Variants in PPP1R12A observed in about 807,000 individuals in gnomAD.
The protein encoded by PPP1R12A is protein phosphatase 1 regulatory subunit 12A, also known as myosin binding subunit.
PPP1R12A carries 19 observed loss-of-function variants against 139.6 expected under a neutral mutation model. The ratio of observed to expected loss-of-function variants is 0.14; its 90% CI spans 0.09 to 0.20. The LOEUF is 0.20. PPP1R12A is among the 10% of genes least tolerant of loss of function. PPP1R12A has a pLI of 1.00. For missense variants in PPP1R12A, 925 were observed against 1,211.5 expected (o/e 0.76, Z 3.51); for synonymous variants, 427 against 420.6 (o/e 1.02, Z -0.19).
chr12:79,826,681 T>C (rs994413050), intron 5 of PPP1R12A, among the ~76,000 whole-genome samples: 4 of 152,218 alleles, frequency 2.6e-5, no homozygotes, highest in Non-Finnish European at 5.9e-5. Context: ...ATAAATTGTA[T>C]AGCATAGGAA....
At chr12:79,808,368 C>G in intron 11 of PPP1R12A, 115 bp downstream of exon 11, 2 of 700,820 alleles carry the variant, frequency 2.9e-6, no homozygotes, top group Non-Finnish European at 4.7e-6. Context: ...GGAATATCCT[C>G]CATCTCTTCC....
Position 79,796,884 on chromosome 12 carries a change from T to C in PPP1R12A, c.2359A>G (p.Met787Val). 1.2e-6 allele frequency: 2 copies of C among 1,612,040 alleles called. No homozygotes were observed. The highest frequency in any genetic ancestry group is 8.5e-7 in the Non-Finnish European group (1 of 1,178,310). Residue 787 changes from methionine to valine, a missense_variant, in exon 17 of 25, where the codon ATG becomes GTG. This residue lies in a region of PPP1R12A where 315 missense variants were observed against 363.4 expected (regional missense o/e 0.87). Transcript: ENST00000450142. ...CTTGAAGCATACAGTGAACTGCTCA[T>C]AGTAGAAAGTGAAGAGGATGGAGTG... The part of the protein sequence containing the change: ...STTPSSSLST[M>V]SSSLYASSQL...
intron 1 of PPP1R12A, among the ~76,000 whole-genome samples, chr12:79,930,031 T>C (rs983585835): frequency 6.6e-6 from 1 of 152,130 alleles, no homozygotes; most frequent in Non-Finnish European, 1.5e-5. Flanking sequence ...AATACAAAAA[T>C]TGTGGAAGAT....
intron 9 of PPP1R12A, among the ~76,000 whole-genome samples, chr12:79,810,929 C>CA (rs1874444891): frequency 6.6e-6 from 1 of 151,904 alleles, no homozygotes; most frequent in Non-Finnish European, 1.5e-5. Flanking sequence ...ATTTCCCCAC[C>CA]AAACATTAAC....
chr12:79,888,213 G>A (rs1218265421), intron 1 of PPP1R12A, among the ~76,000 whole-genome samples: 2 of 152,088 alleles, frequency 1.3e-5, no homozygotes, highest in Non-Finnish European at 2.9e-5. Flanking sequence ...ACAACAAAAA[G>A]AGCTATGATA....
chr12:79,898,636 A>G lies in PPP1R12A; in HGVS notation c.238-25698T>C, dbSNP rs867085529. On this transcript the variant is annotated intron_variant, in intron 1 of 24. Transcript: ENST00000450142. ...TCTACCACTCACAAACTGAACTTCT[A>G]ATGATTTCTTACACAAATGCCTTCT... 7.2e-5 allele frequency among the ~76,000 whole-genome samples: 11 copies of G among 152,256 alleles called. No homozygotes were observed. In the Middle Eastern group the frequency reaches 0.01, roughly 141 times the overall value.
chr12:79,825,453 T>A (rs765941837), intron 5 of PPP1R12A: 39 of 152,032 alleles, frequency 2.6e-4, no homozygotes, highest in Non-Finnish European at 4.9e-4. Flanking sequence ...AAGGTCTGTA[T>A]CACATAATTT....
At chr12:79,917,730 TAAA>T (rs1887116970) in intron 1 of PPP1R12A, among the ~76,000 whole-genome samples, 2 of 152,224 alleles carry the variant, frequency 1.3e-5, no homozygotes, top group Admixed American at 1.3e-4. Context: ...CTATTAGACA[TAAA>T]AAGTGTATAA....
In PPP1R12A at chr12:79,872,985, C is replaced by T. The variant is rs762921012; in HGVS notation, c.238-47G>A. Reference sequence around the variant, plus strand: ...AGATTGGAAAAAATACGAATTAACACTCCAAATAATACATCAATAGAATAA... The same window carrying T: ...AGATTGGAAAAAATACGAATTAACATTCCAAATAATACATCAATAGAATAA... On this transcript the variant is annotated intron_variant, in intron 1 of 24. Coordinates refer to ENST00000450142, the MANE Select transcript of PPP1R12A (RefSeq NM_002480.3). 9 of 1,559,858 alleles carry T rather than the reference C, an allele frequency of 5.8e-6. 1 individual carries two copies. In the Admixed American group the frequency reaches 1.6e-4, roughly 29 times the overall value.
intron 3 of PPP1R12A, among the ~76,000 whole-genome samples, chr12:79,839,727 T>C (rs549803077): frequency 2.0e-5 from 3 of 152,096 alleles, no homozygotes; most frequent in East Asian, 3.9e-4. Context: ...GACTGCATGA[T>C]TGTAAGTTTC....
chr12:79,868,570 A>G (rs1316557295), intron 2 of PPP1R12A, among the ~76,000 whole-genome samples: 1 of 152,190 alleles, frequency 6.6e-6, no homozygotes. Flanking sequence ...CTTGGTTGGT[A>G]GATGGCTGCC....
intron 22 of PPP1R12A, among the ~76,000 whole-genome samples, chr12:79,784,930 C>T (rs966890377): frequency 5.9e-5 from 9 of 152,126 alleles, no homozygotes; most frequent in African/African-American, 9.7e-5. Flanking sequence ...TGAGCCACCG[C>T]GCCTGGCTGC....
intron 1 of PPP1R12A, among the ~76,000 whole-genome samples, chr12:79,886,777 A>G (rs1256772647): frequency 1.3e-5 from 2 of 152,232 alleles, no homozygotes; most frequent in Non-Finnish European, 2.9e-5. Flanking sequence ...TTCAACAAAT[A>G]CTATATATTT....
chr12:79,793,271 T>C (rs1031867218), intron 19 of PPP1R12A, among the ~76,000 whole-genome samples: 1 of 152,180 alleles, frequency 6.6e-6, no homozygotes, highest in Non-Finnish European at 1.5e-5. Context: ...TGCAGCCTTG[T>C]CATTCAAACT....
intron 3 of PPP1R12A, among the ~76,000 whole-genome samples, chr12:79,844,216 T>C (rs1227126038): frequency 6.6e-6 from 1 of 152,210 alleles, no homozygotes; most frequent in Non-Finnish European, 1.5e-5. Flanking sequence ...CACTGTTATC[T>C]ATAAATGAAC....
chr12:79,846,121 G>A (rs1879355785), intron 2 of PPP1R12A, among the ~76,000 whole-genome samples: 1 of 145,516 alleles, frequency 6.9e-6, no homozygotes, highest in South Asian at 2.2e-4. Context: ...TTTAAAATTA[G>A]CTATTAAACC....
chr12:79,838,434 G>GAGT (rs1374697710), intron 3 of PPP1R12A, among the ~76,000 whole-genome samples: 1 of 152,240 alleles, frequency 6.6e-6, no homozygotes, highest in African/African-American at 2.4e-5. Context: ...CATAAGTAAC[G>GAGT]AGTAACCAAA....
chr12:79,932,833 C>G (rs540738330), intron 1 of PPP1R12A, among the ~76,000 whole-genome samples: 9 of 152,284 alleles, frequency 5.9e-5, no homozygotes, highest in Admixed American at 2.6e-4. Context: ...TCGTCTTCCT[C>G]TAAGCCAATA....
At chr12:79,926,417 C>G (rs995253578) in intron 1 of PPP1R12A, among the ~76,000 whole-genome samples, 20 of 152,154 alleles carry the variant, frequency 1.3e-4, no homozygotes, top group Non-Finnish European at 2.5e-4. Context: ...TCTCAAATTC[C>G]TGAGCTCAGG....
Sources: gnomAD v4.1 joint callset for allele counts (sites outside exome capture counted in the v4.1 genomes callset) on GRCh38, gnomAD v4.1.1 for gene constraint, gnomAD v4.1.1 regional missense constraint, MANE v1.5 for transcripts, NCBI Gene and HGNC (gene_info 2026-07-23, HGNC 2026-07-21) for gene names.